The following CAMTA1 variants were observed in gnomAD, a reference collection of about 807,000 sequenced individuals.
CAMTA1 encodes the protein calmodulin-binding transcription activator 1.
Under a neutral mutation model 170.9 loss-of-function variants are expected in CAMTA1, and 27 were observed. The ratio of observed to expected loss-of-function variants is 0.16; its 90% CI spans 0.12 to 0.22. The LOEUF is 0.22. Among genes scored for constraint, CAMTA1 ranks in the 10% least tolerant of loss-of-function variants. The pLI is 1.00. For missense variants in CAMTA1, 1,619 were observed against 2,217.2 expected (o/e 0.73, Z 5.42); for synonymous variants, 833 against 891.5 (o/e 0.93, Z 1.17).
chr1:7,104,362 A>G (rs1338697222), intron 4 of CAMTA1, among the ~76,000 whole-genome samples: 1 of 86,964 alleles, frequency 1.1e-5, no homozygotes, highest in Non-Finnish European at 2.5e-5. Flanking sequence ...TAAATACTCA[A>G]TACACATACA....
chr1:7,109,497 A>G (rs908241705), intron 4 of CAMTA1, among the ~76,000 whole-genome samples: 1 of 152,220 alleles, frequency 6.6e-6, no homozygotes, highest in Non-Finnish European at 1.5e-5. Flanking sequence ...TGCATGATCC[A>G]TTGATGCCCA....
At position 7,040,014 on chromosome 1, in the gene CAMTA1, T is replaced by C. The variant is rs577970583; in HGVS notation, c.235-51290T>C. On this transcript the variant is annotated intron_variant, in intron 3 of 22. Coordinates refer to ENST00000303635, the MANE Select transcript of CAMTA1 (RefSeq NM_015215.4). Reference sequence around the variant, plus strand: ...GCTTTGCAGTGCATATTTTAAAATATGTTAAGTGCTATCAGAAGGCTTGGA... The same window carrying C: ...GCTTTGCAGTGCATATTTTAAAATACGTTAAGTGCTATCAGAAGGCTTGGA... Among the ~76,000 whole-genome samples, 23 of 152,194 alleles carry C rather than the reference T, an allele frequency of 1.5e-4. No individual in the cohort carries two copies. The East Asian group carries it at 2.3e-3, about 15-fold the overall frequency.
intron 3 of CAMTA1, among the ~76,000 whole-genome samples, chr1:6,969,498 A>G (rs1246633171): frequency 6.6e-6 from 1 of 152,084 alleles, no homozygotes. Context: ...GGCGGTGAGG[A>G]GGGCCCAGAT....
In CAMTA1 at chr1:7,103,620, C is replaced by CAT. The variant is rs1491148146; in HGVS notation, c.302+12250_302+12251insTA. 4.7e-4 allele frequency among the ~76,000 whole-genome samples: 14 copies of CAT among 29,654 alleles called. No individual in the cohort carries two copies. In the African/African-American group the frequency reaches 5.1e-3, roughly 11 times the overall value. The allele number at this position is 29,654 out of a possible 152,430, so 19.5% of individuals were successfully genotyped here. ...ACACATGTACACAACTACACACACG[C>CAT]ACACACAACTACACACACGCACACA... On this transcript the variant is annotated intron_variant, in intron 4 of 22. Coordinates refer to ENST00000303635, the MANE Select transcript of CAMTA1 (RefSeq NM_015215.4).
intron 3 of CAMTA1, among the ~76,000 whole-genome samples, chr1:7,062,772 G>T (rs561818992): frequency 6.6e-6 from 1 of 152,216 alleles, no homozygotes; most frequent in African/African-American, 2.4e-5. Context: ...TACCGGCAGG[G>T]CCAGGCTTCC....
intron 16 of CAMTA1, among the ~76,000 whole-genome samples, chr1:7,744,455 A>G (rs11121016): frequency 0.68 from 102,677 of 152,008 alleles, 35,109 homozygotes; most frequent in Middle Eastern, 0.77. Flanking sequence ...TCTAGGCCAG[A>G]CAAAAGGGGG....
intron 4 of CAMTA1, among the ~76,000 whole-genome samples, chr1:7,106,955 G>A (rs1322687190): frequency 1.3e-5 from 2 of 152,054 alleles, no homozygotes; most frequent in African/African-American, 4.8e-5. Context: ...TGTGCAGACT[G>A]GAGTGGCAGC....
At position 7,063,189 on chromosome 1, in the gene CAMTA1, T is replaced by C. The variant is rs940230888; in HGVS notation, c.235-28115T>C. Among the ~76,000 whole-genome samples the C allele has an allele frequency of 2.6e-5, 4 of 152,160 alleles. No homozygotes were observed. The highest frequency in any genetic ancestry group is 9.7e-5 in the African/African-American group (4 of 41,436). Reference sequence around the variant, plus strand: ...GGCAGGATGCTGATCGGATAACCAGTGCCCGAAAAAATGTGGTTGTTGAAT... The same window carrying C: ...GGCAGGATGCTGATCGGATAACCAGCGCCCGAAAAAATGTGGTTGTTGAAT... On this transcript the variant is annotated intron_variant, in intron 3 of 22. Transcript: ENST00000303635. The surrounding 1 kb of genome is among the most constrained non-coding windows in gnomAD (Gnocchi z 4.3).
At chr1:7,013,554 G>A (rs1050512564) in intron 3 of CAMTA1, among the ~76,000 whole-genome samples, 1 of 152,148 alleles carries the variant, frequency 6.6e-6, no homozygotes, top group Non-Finnish European at 1.5e-5. Context: ...GGAAGCCAGA[G>A]CCATTCTGCT....
intron 6 of CAMTA1, among the ~76,000 whole-genome samples, chr1:7,520,199 G>GCCCTCCTCCTCCTCCTCCTCC (rs1557857406): frequency 8.3e-5 from 1 of 12,056 alleles, no homozygotes; most frequent in African/African-American, 4.5e-4. Flanking sequence ...CTGGACTGCC[G>GCCCTCCTCCTCCTCCTCCTCC]ACCTCCTCCT....
At chr1:7,126,367 C>T (rs1644934296) in intron 4 of CAMTA1, among the ~76,000 whole-genome samples, 1 of 152,204 alleles carries the variant, frequency 6.6e-6, no homozygotes, top group African/African-American at 2.4e-5. Flanking sequence ...CAATCTGCTG[C>T]AAGCCTCTTT....
intron 5 of CAMTA1, among the ~76,000 whole-genome samples, chr1:7,292,282 C>G (rs770761228): frequency 6.6e-6 from 1 of 152,088 alleles, no homozygotes; most frequent in Non-Finnish European, 1.5e-5. Context: ...ACTACTCTTA[C>G]GTCCTGGCAG....
intron 22 of CAMTA1, among the ~76,000 whole-genome samples, chr1:7,759,099 T>C (rs1293294551): frequency 6.6e-6 from 1 of 151,986 alleles, no homozygotes; most frequent in African/African-American, 2.4e-5. Flanking sequence ...CAGTGTGTCA[T>C]GATAGTGCCA....
chr1:7,766,619 A>G lies in CAMTA1; in HGVS notation c.*128A>G. The G allele has an allele frequency of 2.6e-6, 2 of 778,096 alleles. No individual in the cohort carries two copies. Among genetic ancestry groups the G allele is most frequent in the East Asian group, 2.7e-5 (1 of 37,676 alleles). The allele number at this position is 778,096 out of a possible 1,614,324, so 48.2% of individuals were successfully genotyped here. A position where few individuals can be genotyped will look rare whatever the true frequency, so the allele number is the denominator to read the frequency against. On this transcript the variant is annotated 3_prime_UTR_variant, in exon 23 of 23. Transcript: ENST00000303635. ...CACACACACACACGTACACACACAT[A>G]CAAAATCCCTCTGCAGTTTTGGGGA...
chr1:7,479,706 CCACCTCCCAGCATG>C (rs1412828948), intron 6 of CAMTA1, among the ~76,000 whole-genome samples: 1 of 152,204 alleles, frequency 6.6e-6, no homozygotes. Context: ...GGAACCTAGG[CCACCTCCCAGCATG>C]CAGAGCCATC....
At chr1:7,613,038 A>T (rs907741932) in intron 6 of CAMTA1, among the ~76,000 whole-genome samples, 3 of 152,282 alleles carry the variant, frequency 2.0e-5, no homozygotes, top group Admixed American at 6.5e-5. Context: ...TGTTTCCCAA[A>T]GACAGGTAGC....
chr1:7,528,563 C>T (rs1027550867), intron 6 of CAMTA1, among the ~76,000 whole-genome samples: 1 of 151,996 alleles, frequency 6.6e-6, no homozygotes, highest in Non-Finnish European at 1.5e-5. Flanking sequence ...TTGCTGTCAG[C>T]GTCTGCATTG....
At chr1:6,917,105 G>T (rs1680971444) in intron 3 of CAMTA1, among the ~76,000 whole-genome samples, 1 of 152,196 alleles carries the variant, frequency 6.6e-6, no homozygotes, top group Admixed American at 6.5e-5. Flanking sequence ...CAGGCAGAGG[G>T]AGTTGCCCTA....
At chr1:6,902,072 C>CACACACACACAAAAA (rs3986505) in intron 3 of CAMTA1, among the ~76,000 whole-genome samples, 17 of 88,486 alleles carry the variant, frequency 1.9e-4, no homozygotes, top group African/African-American at 5.4e-4. Context: ...CACACACACA[C>CACACACACACAAAAA]AAAAAAAAAA....
Sources: allele counts gnomAD v4.1 joint callset (sites outside exome capture counted in the v4.1 genomes callset), GRCh38; gene constraint gnomAD v4.1.1; non-coding constraint Gnocchi (gnomAD v3.1); transcripts MANE v1.5; gene names NCBI Gene and HGNC (gene_info 2026-07-23, HGNC 2026-07-21).